The following LOXL1 variants were observed in gnomAD, a reference collection of about 807,000 sequenced individuals.
LOXL1 encodes lysyl oxidase homolog 1.
LOXL1 carries 31 observed loss-of-function variants against 62.2 expected under a neutral mutation model. That is an observed-to-expected ratio of 0.50 (90% CI 0.37 to 0.67). The LOEUF (loss-of-function observed/expected upper bound fraction) is 0.67, where lower values mean the gene tolerates loss of function less well. Among genes scored for constraint, LOXL1 ranks in the 30% least tolerant of loss-of-function variants. LOXL1 has a pLI of 0.00. For synonymous variants in LOXL1, 403 were observed against 384.4 expected (o/e 1.05, Z -0.56); for missense variants, 775 against 843.4 (o/e 0.92, Z 1.00).
Position 73,930,477 on chromosome 15 carries a change from TG to T in LOXL1, c.1102+2594del, listed in dbSNP as rs2068628149. Among the ~76,000 whole-genome samples the T allele has an allele frequency of 6.6e-6, 1 of 152,120 alleles. No individual in the cohort carries two copies. Among genetic ancestry groups the T allele is most frequent in the African/African-American group, 2.4e-5 (1 of 41,422 alleles). On this transcript the variant is annotated intron_variant, in intron 1 of 6. Transcript: ENST00000261921. This position sits in a 1 kb window ranked among gnomAD's most constrained non-coding sequence, Gnocchi z 4.7. ...CTCCCCACCCTGCTAGGCCAGACCG[TG>T]GAAAATCCCAGCCCAGGGAAGGCCA... is the stretch of plus-strand genomic sequence containing the variant.
chr15:73,943,267 G>A (rs1176754555), intron 2 of LOXL1, among the ~76,000 whole-genome samples: 1 of 152,226 alleles, frequency 6.6e-6, no homozygotes, highest in Non-Finnish European at 1.5e-5. Context: ...ACCCCCTCAG[G>A]AAACTGAGGA....
intron 1 of LOXL1, among the ~76,000 whole-genome samples, chr15:73,940,371 A>G (rs2068705621): frequency 6.6e-6 from 1 of 151,752 alleles, no homozygotes; most frequent in African/African-American, 2.4e-5. Flanking sequence ...TACTCTACAA[A>G]TGCCCCTCCT....
intron 1 of LOXL1, among the ~76,000 whole-genome samples, chr15:73,935,539 G>A (rs904756385): frequency 6.6e-6 from 1 of 151,982 alleles, no homozygotes; most frequent in Non-Finnish European, 1.5e-5. Context: ...AGCATCAAGG[G>A]AAGCTTCTAG....
rs745522819 is a variant in LOXL1 at position 73,926,787 on chromosome 15, G to C, written c.4G>C (p.Ala2Pro). The change falls in exon 1 of 7, where the codon GCT becomes CCT. Residue 2 changes from alanine to proline, a missense_variant. Physicochemically the swap from Ala to Pro is conservative, Grantham distance 27. Coordinates refer to ENST00000261921, the MANE Select transcript of LOXL1 (RefSeq NM_005576.4). M[A>P]LARGSRQLGA... The stretch of plus-strand genomic sequence containing the variant: ...AGGCCTCTGCAGAGGGGTCACCATG[G>C]CTCTGGCCCGAGGCAGCCGGCAGCT... The C allele has an allele frequency of 6.9e-7, 1 of 1,444,330 alleles. No individual in the cohort carries two copies. The highest frequency in any genetic ancestry group is 1.5e-5 in the South Asian group (1 of 68,648). 89.5% of individuals were successfully genotyped at this position (1,444,330 alleles called of 1,614,324 possible). A position where few individuals can be genotyped will look rare whatever the true frequency, so the allele number is the denominator to read the frequency against.
rs547871478 is a variant in LOXL1, at chr15:73,945,978, G to C, written c.1212-439G>C. Among the ~76,000 whole-genome samples the C allele has an allele frequency of 4.2e-4, 64 of 152,258 alleles. No homozygotes were observed. The East Asian group carries it at 0.011, about 27-fold the overall frequency. On this transcript the variant is annotated intron_variant, in intron 2 of 6. Transcript: ENST00000261921. This position sits in a 1 kb window ranked among gnomAD's most constrained non-coding sequence, Gnocchi z 4.3. Reference sequence around the variant, plus strand: ...ACTATGGGCCTCAAGTGATCCTCCTGCCTCGACCTCCAAAAAGCTCTGTAA... The same window carrying C: ...ACTATGGGCCTCAAGTGATCCTCCTCCCTCGACCTCCAAAAAGCTCTGTAA...
rs1375778437 is a variant in LOXL1 at position 73,950,966 on chromosome 15, A to G, written c.1719-865A>G. On this transcript the variant is annotated intron_variant, in intron 6 of 6. Transcript: ENST00000261921. ...GTTTGAAAGGACGAACTCCTGTCCC[A>G]TCACTGGCAGTTTGGCTCTTTAGCA... 3.3e-5 allele frequency among the ~76,000 whole-genome samples: 5 copies of G among 152,368 alleles called. No individual in the cohort carries two copies. In the East Asian group the frequency reaches 5.8e-4, roughly 18 times the overall value.
chr15:73,927,373 C>T lies in LOXL1; in HGVS notation c.590C>T (p.Thr197Ile), dbSNP rs775653790. 2 of 1,587,206 alleles carry T rather than the reference C, an allele frequency of 1.3e-6. No homozygotes were observed. Among genetic ancestry groups the T allele is most frequent in the Non-Finnish European group, 1.7e-6 (2 of 1,168,056 alleles). ...QYENYDPASRTYDQGFVYYRP... is the reference protein window; with the variant it reads ...QYENYDPASRIYDQGFVYYRP... ...GAGAACTACGACCCCGCGTCGCGGA[C>T]CTACGACCAGGGTTTCGTGTACTAC... The change falls in exon 1 of 7, where the codon ACC (threonine) becomes ATC (isoleucine). Residue 197 changes from threonine (T) to isoleucine (I), a missense_variant. Coordinates refer to ENST00000261921, the MANE Select transcript of LOXL1 (RefSeq NM_005576.4).
At chr15:73,938,941 A>AG (rs1456029211) in intron 1 of LOXL1, among the ~76,000 whole-genome samples, 1 of 152,192 alleles carries the variant, frequency 6.6e-6, no homozygotes, top group Non-Finnish European at 1.5e-5. Context: ...CACCAGGTCC[A>AG]GGATCTTCCT....
rs1000288591 is a variant in LOXL1 at position 73,926,559 on chromosome 15, G to C, written c.-225G>C. ...CTGCCCGCCCGGTGCCCTGCGGAGAGCCTCGTGCAGCCCTGGGCACCGCCC... is the reference window on the plus strand; with the variant it reads ...CTGCCCGCCCGGTGCCCTGCGGAGACCCTCGTGCAGCCCTGGGCACCGCCC... On this transcript the variant is annotated 5_prime_UTR_variant, in exon 1 of 7. Transcript: ENST00000261921. 7.0e-6 allele frequency: 3 copies of C among 428,516 alleles called. No individual in the cohort carries two copies. The highest frequency in any genetic ancestry group is 1.2e-5 in the Non-Finnish European group (3 of 252,644). 26.5% of individuals were successfully genotyped at this position (428,516 alleles called of 1,614,324 possible). A position where few individuals can be genotyped will look rare whatever the true frequency, so the allele number is the denominator to read the frequency against.
rs571870559 is a variant in LOXL1, at chr15:73,936,210, G to A, written c.1103-6644G>A. On this transcript the variant is annotated intron_variant, in intron 1 of 6. Coordinates refer to ENST00000261921, the MANE Select transcript of LOXL1 (RefSeq NM_005576.4). ...AGACCCTGGGCCTGGCTTGATGGCT[G>A]TCCTAGCTCTCAGGCTTGAGCTGGG... Among the ~76,000 whole-genome samples the A allele has an allele frequency of 2.2e-4, 33 of 152,244 alleles. 1 individual carries two copies. The South Asian group carries it at 6.8e-3, about 32-fold the overall frequency.
In LOXL1 at chr15:73,949,459, G is replaced by T. The variant is rs1390252466; in HGVS notation, c.1603G>T (p.Val535Leu). 1.0e-5 allele frequency: 16 copies of T among 1,590,026 alleles called. No homozygotes were observed. The highest frequency in any genetic ancestry group is 1.4e-5 in the Non-Finnish European group (16 of 1,158,062). ...DVQPGNYILK[V>L]HVNPKYIVLE... ...TCTCCCTGTTTCTCTTCTTCCTCAG[G>T]TGCACGTGAACCCAAAGTATATTGT... is the stretch of plus-strand genomic sequence containing the variant. Residue 535 changes from valine (V) to leucine (L), a missense_variant and splice_region_variant, in exon 6 of 7, where the codon GTG becomes TTG. Transcript: ENST00000261921.
At chr15:73,937,783 G>A (rs770726616) in intron 1 of LOXL1, among the ~76,000 whole-genome samples, 31 of 152,246 alleles carry the variant, frequency 2.0e-4, no homozygotes, top group Admixed American at 6.5e-5. Flanking sequence ...TGGGTAGTCT[G>A]AGCAAGCCCA....
chr15:73,937,318 G>A (rs2068681101), intron 1 of LOXL1, among the ~76,000 whole-genome samples: 1 of 152,352 alleles, frequency 6.6e-6, no homozygotes, highest in South Asian at 2.1e-4. Flanking sequence ...TAGAACATTG[G>A]TTCTGTCTTC....
At chr15:73,937,390 C>G (rs1411113231) in intron 1 of LOXL1, among the ~76,000 whole-genome samples, 10 of 152,234 alleles carry the variant, frequency 6.6e-5, no homozygotes, top group Non-Finnish European at 1.2e-4. Flanking sequence ...AAAGGCTTAC[C>G]CCACATCAGT....
chr15:73,948,410 G>C (rs1205630416), intron 5 of LOXL1, among the ~76,000 whole-genome samples: 1 of 152,170 alleles, frequency 6.6e-6, no homozygotes, highest in Non-Finnish European at 1.5e-5. Context: ...AAGTAGAAAA[G>C]CATATTAACA....
chr15:73,942,739 T>A, intron 1 of LOXL1, 115 bp from the exon 2 acceptor site: 1 of 723,600 alleles, frequency 1.4e-6, no homozygotes, highest in Non-Finnish European at 2.5e-6. Flanking sequence ...GGTTTTGGGG[T>A]ATGAGAGGAT....
At chr15:73,927,956 G>A (rs934346518) in intron 1 of LOXL1, 71 bp downstream of exon 1, 3 of 1,259,418 alleles carry the variant, frequency 2.4e-6, no homozygotes, top group Non-Finnish European at 2.0e-6. Context: ...GGGCCCCCCG[G>A]GCCCCTCCTT....
Position 73,942,872 on chromosome 15 carries a change from C to A in LOXL1, c.1121C>A (p.Pro374Gln), listed in dbSNP as rs1391455267. ...QNGRGLPDLV[P>Q]DPNYVQASTY... is the part of the protein sequence containing the mutation. The stretch of plus-strand genomic sequence containing the variant: ...ACTCCAGGTCTCCCTGACTTGGTCC[C>A]AGACCCCAACTATGTGCAAGCATCC... The change falls in exon 2 of 7, where the codon CCA becomes CAA. Residue 374 changes from proline (P) to glutamine (Q), a missense_variant. By Grantham distance (76) the Pro-to-Gln change is moderately conservative (BLOSUM62 -1). Transcript: ENST00000261921. 1.2e-6 allele frequency: 2 copies of A among 1,613,828 alleles called. No individual in the cohort carries two copies. Among genetic ancestry groups the A allele is most frequent in the Admixed American group, 3.3e-5 (2 of 60,014 alleles).
chr15:73,944,304 A>G (rs1486649778), intron 2 of LOXL1, among the ~76,000 whole-genome samples: 1 of 152,260 alleles, frequency 6.6e-6, no homozygotes, highest in East Asian at 1.9e-4. Flanking sequence ...CTGCCTCTTC[A>G]TGAAGGATCC....
Sources: gnomAD v4.1 joint callset for allele counts (sites outside exome capture counted in the v4.1 genomes callset) on GRCh38, gnomAD v4.1.1 for gene constraint, Gnocchi (gnomAD v3.1) non-coding constraint, MANE v1.5 for transcripts, NCBI Gene and HGNC (gene_info 2026-07-23, HGNC 2026-07-21) for gene names.